The following SGMS1 variants were observed in gnomAD, a reference collection of about 807,000 sequenced individuals.
The protein encoded by SGMS1 is phosphatidylcholine:ceramide cholinephosphotransferase 1.
Under a neutral mutation model 46.2 loss-of-function variants are expected in SGMS1, and 13 were observed. That is an observed-to-expected ratio of 0.28 (90% CI 0.18 to 0.45). The LOEUF (loss-of-function observed/expected upper bound fraction) is 0.45, where lower values mean the gene tolerates loss of function less well. Among genes scored for constraint, SGMS1 ranks in the 20% least tolerant of loss-of-function variants. SGMS1 has a pLI of 1.00. For missense variants in SGMS1, 324 were observed against 519.9 expected, an observed-to-expected ratio of 0.62 and a Z score of 3.66; for synonymous variants, 203 against 187.8, an observed-to-expected ratio of 1.08 and a Z score of -0.66.
chr10:50,490,080 T>C (rs1019663622), intron 3 of SGMS1, among the ~76,000 whole-genome samples: 2 of 152,240 alleles, frequency 1.3e-5, no homozygotes, highest in African/African-American at 4.8e-5. Flanking sequence ...TTCAGAGATA[T>C]GACTTAAGTC....
intron 3 of SGMS1, among the ~76,000 whole-genome samples, chr10:50,518,846 T>G (rs1322443226): frequency 6.6e-6 from 1 of 152,234 alleles, no homozygotes; most frequent in African/African-American, 2.4e-5. Context: ...ATTAAAAGTA[T>G]GCACTCTGTT....
intron 6 of SGMS1, among the ~76,000 whole-genome samples, chr10:50,378,824 A>C (rs1377676702): frequency 1.3e-5 from 2 of 152,222 alleles, no homozygotes; most frequent in Non-Finnish European, 2.9e-5. Flanking sequence ...AGGAATATCA[A>C]AACAGTGTCC....
chr10:50,330,289 A>G (rs948802183), intron 7 of SGMS1, among the ~76,000 whole-genome samples: 9 of 144,888 alleles, frequency 6.2e-5, no homozygotes, highest in Non-Finnish European at 1.4e-4. Flanking sequence ...CCCTGTCTCT[A>G]CTAAAAAACA....
chr10:50,568,903 G>A (rs760367024), intron 2 of SGMS1, among the ~76,000 whole-genome samples: 1 of 151,936 alleles, frequency 6.6e-6, no homozygotes, highest in Non-Finnish European at 1.5e-5. Context: ...CAACCCAAAC[G>A]CCTGTCAATG....
chr10:50,399,040 A>C (rs935668715), intron 6 of SGMS1, among the ~76,000 whole-genome samples: 1 of 152,132 alleles, frequency 6.6e-6, no homozygotes, highest in Non-Finnish European at 1.5e-5. Context: ...GTAAAAAGAT[A>C]AGAGAGGAAT....
chr10:50,504,765 T>G (rs1198912088), intron 3 of SGMS1, among the ~76,000 whole-genome samples: 1 of 152,178 alleles, frequency 6.6e-6, no homozygotes, highest in African/African-American at 2.4e-5. Flanking sequence ...GAAAAACATT[T>G]CTGAGTTATT....
At chr10:50,383,569 C>T (rs1848639007) in intron 6 of SGMS1, among the ~76,000 whole-genome samples, 1 of 151,866 alleles carries the variant, frequency 6.6e-6, no homozygotes, top group South Asian at 2.1e-4. Flanking sequence ...ATCTGGAGAC[C>T]CAGGATGTAG....
intron 2 of SGMS1, among the ~76,000 whole-genome samples, chr10:50,521,320 T>C (rs1191950879): frequency 1.3e-5 from 2 of 152,160 alleles, no homozygotes; most frequent in Admixed American, 1.3e-4. Context: ...TTCATTTGAC[T>C]TTTTTTCTGA....
intron 6 of SGMS1, among the ~76,000 whole-genome samples, chr10:50,350,655 C>T (rs966379263): frequency 1.8e-4 from 28 of 152,328 alleles, no homozygotes; most frequent in African/African-American, 5.8e-4. Flanking sequence ...AAATACAGCC[C>T]GGGCTGTGGC....
chr10:50,466,040 G>C (rs769844599), intron 4 of SGMS1, among the ~76,000 whole-genome samples: 6 of 152,072 alleles, frequency 3.9e-5, no homozygotes, highest in Non-Finnish European at 8.8e-5. Flanking sequence ...AAGGGTAAAG[G>C]GTGGTCTATG....
At chr10:50,587,417 G>A (rs1331861084) in intron 2 of SGMS1, among the ~76,000 whole-genome samples, 2 of 152,306 alleles carry the variant, frequency 1.3e-5, no homozygotes, top group Admixed American at 6.5e-5. Flanking sequence ...GGTGGATCAC[G>A]AGGTCAGGAG....
chr10:50,523,260 A>T (rs886481483), intron 2 of SGMS1, among the ~76,000 whole-genome samples: 1 of 152,226 alleles, frequency 6.6e-6, no homozygotes, highest in African/African-American at 2.4e-5. Context: ...ATTGAGGAAG[A>T]CAGGTCTGCT....
intron 2 of SGMS1, among the ~76,000 whole-genome samples, chr10:50,539,007 G>C (rs1838028962): frequency 6.6e-6 from 1 of 152,188 alleles, no homozygotes; most frequent in Non-Finnish European, 1.5e-5. Context: ...CTACACACTT[G>C]GCAATGCCAA....
At chr10:50,624,845 G>A, upstream of SGMS1, 1 of 992,122 alleles carries the variant, frequency 1.0e-6, no homozygotes, top group Non-Finnish European at 1.2e-6. Context: ...CCTACAGGCA[G>A]CCCGAGGCCG....
chr10:50,436,144 G>A (rs563713992), intron 5 of SGMS1, among the ~76,000 whole-genome samples: 173 of 152,024 alleles, frequency 1.1e-3, no homozygotes, highest in African/African-American at 3.9e-3. Context: ...TCGCTCTGTC[G>A]CCCAGGCTGG....
chr10:50,518,421 A>G (rs1837828198), intron 3 of SGMS1, among the ~76,000 whole-genome samples: 1 of 152,112 alleles, frequency 6.6e-6, no homozygotes, highest in Non-Finnish European at 1.5e-5. Context: ...AAATGTTTTT[A>G]GTTTGTTTGT....
chr10:50,429,996 C>G (rs1023967233), intron 6 of SGMS1, among the ~76,000 whole-genome samples: 10 of 152,050 alleles, frequency 6.6e-5, no homozygotes, highest in African/African-American at 2.4e-4. Flanking sequence ...TTTTCTAGCC[C>G]TAATTAGCAG....
intron 6 of SGMS1, among the ~76,000 whole-genome samples, chr10:50,363,463 T>C (rs975007030): frequency 6.6e-6 from 1 of 152,206 alleles, no homozygotes; most frequent in Admixed American, 6.5e-5. Flanking sequence ...ACTTAATAAG[T>C]TTCTCTAGAT....
At chr10:50,485,335 A>G (rs1182454924) in intron 3 of SGMS1, among the ~76,000 whole-genome samples, 1 of 152,224 alleles carries the variant, frequency 6.6e-6, no homozygotes, top group Non-Finnish European at 1.5e-5. Flanking sequence ...AATACAGCTA[A>G]CAAGGGAAGT....
Sources: gnomAD v4.1 joint callset for allele counts (sites outside exome capture counted in the v4.1 genomes callset) on GRCh38, gnomAD v4.1.1 for gene constraint, MANE v1.5 for transcripts, NCBI Gene and HGNC (gene_info 2026-07-23, HGNC 2026-07-21) for gene names.